THSD4: variants seen among roughly 807,000 people sequenced by gnomAD.
THSD4 encodes the protein thrombospondin type 1 domain containing 4.
Under a neutral mutation model 119.0 loss-of-function variants are expected in THSD4, and 69 were observed. The observed-to-expected ratio is 0.58, with a 90% confidence interval of 0.48 to 0.71. The LOEUF is 0.71. THSD4 is among the 30% of genes least tolerant of loss of function. The probability of loss-of-function intolerance (pLI) is 0.00; values close to 1 mark genes in which losing one functional copy is unlikely to be tolerated. For synonymous variants in THSD4, 524 were observed against 540.4 expected (o/e 0.97, Z 0.42); for missense variants, 1,393 against 1,391.1 (o/e 1.00, Z -0.02).
At chr15:71,588,285 G>A (rs1479675977) in intron 7 of THSD4, among the ~76,000 whole-genome samples, 2 of 133,688 alleles carry the variant, frequency 1.5e-5, no homozygotes, top group African/African-American at 2.8e-5. Context: ...CAGCCTGGGC[G>A]ACAGAGCGAG....
chr15:71,432,108 A>G (rs1404592549), intron 7 of THSD4, among the ~76,000 whole-genome samples: 1 of 152,094 alleles, frequency 6.6e-6, no homozygotes, highest in East Asian at 1.9e-4. Context: ...CTCGCGTACT[A>G]TTTTGGAACA....
At chr15:71,634,495 G>T (rs953428504) in intron 7 of THSD4, among the ~76,000 whole-genome samples, 1 of 152,204 alleles carries the variant, frequency 6.6e-6, no homozygotes, top group Non-Finnish European at 1.5e-5. Context: ...GCACATCTGC[G>T]TCCCAATGCC....
intron 7 of THSD4, among the ~76,000 whole-genome samples, chr15:71,549,208 T>C (rs2048888997): frequency 6.6e-6 from 1 of 152,218 alleles, no homozygotes; most frequent in Non-Finnish European, 1.5e-5. Flanking sequence ...TATGTGTGCT[T>C]AACATGAATA....
In THSD4 at chr15:71,589,513, GC is replaced by G. The variant is rs1317295070; in HGVS notation, c.1153-71014del. 6.7e-4 allele frequency among the ~76,000 whole-genome samples: 93 copies of G among 137,780 alleles called. 7 individuals are homozygous for G. The highest frequency in any genetic ancestry group is 2.4e-3 in the African/African-American group (93 of 39,424). The allele number at this position is 137,780 out of a possible 152,430, so 90.4% of individuals were successfully genotyped here. A position where few individuals can be genotyped will look rare whatever the true frequency, so the allele number is the denominator to read the frequency against. Reference sequence around the variant, plus strand: ...TGGAAACACAGTCATGCATCACCATGCCCAGCTAACTTTTTAACTTTTTTTG... The same window carrying G: ...TGGAAACACAGTCATGCATCACCATGCCAGCTAACTTTTTAACTTTTTTTG... On this transcript the variant is annotated intron_variant, in intron 7 of 17. Coordinates refer to ENST00000261862, the MANE Select transcript of THSD4 (RefSeq NM_024817.3).
chr15:71,588,071 C>A (rs2049717302), intron 7 of THSD4, among the ~76,000 whole-genome samples: 1 of 151,904 alleles, frequency 6.6e-6, no homozygotes, highest in South Asian at 2.1e-4. Flanking sequence ...CTTTGGGAGG[C>A]CGAGGTGGGC....
chr15:71,672,114 T>G (rs988526170), intron 8 of THSD4, among the ~76,000 whole-genome samples: 6 of 152,216 alleles, frequency 3.9e-5, no homozygotes, highest in Non-Finnish European at 7.3e-5. Context: ...TTCCTATCCA[T>G]GAGCATGGAA....
upstream of THSD4, among the ~76,000 whole-genome samples, chr15:71,114,773 A>C (rs2040340097): frequency 6.6e-6 from 1 of 152,274 alleles, no homozygotes; most frequent in South Asian, 2.1e-4. Context: ...TCCCCAACAA[A>C]ATATTACTCT....
chr15:71,312,453 C>T (rs1382625662), intron 6 of THSD4, among the ~76,000 whole-genome samples: 2 of 152,024 alleles, frequency 1.3e-5, no homozygotes, highest in African/African-American at 4.8e-5. Flanking sequence ...TACAGAGACA[C>T]CAGGGCTGCA....
Position 71,149,392 on chromosome 15 carries a change from C to A in THSD4, c.30-5471C>A, listed in dbSNP as rs2040698042. On this transcript the variant is annotated intron_variant, in intron 2 of 17. Coordinates refer to ENST00000261862, the MANE Select transcript of THSD4 (RefSeq NM_024817.3). Reference sequence around the variant, plus strand: ...TCACGAGTAGCTGGGATTACAGGCACACACCACCACGCCCAGCTAATTTTT... The same window carrying A: ...TCACGAGTAGCTGGGATTACAGGCAAACACCACCACGCCCAGCTAATTTTT... Among the ~76,000 whole-genome samples, 3 of 152,094 alleles carry A rather than the reference C, an allele frequency of 2.0e-5. No individual in the cohort carries two copies. In the South Asian group the frequency reaches 6.2e-4, roughly 32 times the overall value.
intron 7 of THSD4, among the ~76,000 whole-genome samples, chr15:71,463,994 T>C (rs1027696842): frequency 1.3e-5 from 2 of 152,210 alleles, no homozygotes; most frequent in Non-Finnish European, 2.9e-5. Flanking sequence ...TCCCCCAATA[T>C]GAATCTATAA....
At chr15:71,400,594 C>T (rs545769355) in intron 6 of THSD4, among the ~76,000 whole-genome samples, 1 of 152,258 alleles carries the variant, frequency 6.6e-6, no homozygotes, top group African/African-American at 2.4e-5. Context: ...TCTGACTGCT[C>T]CTGGATTAGT....
At chr15:71,579,566 C>T (rs2049519803) in intron 7 of THSD4, among the ~76,000 whole-genome samples, 4 of 152,198 alleles carry the variant, frequency 2.6e-5, no homozygotes. Flanking sequence ...AAAGTCACTT[C>T]CCTGGGACTG....
At chr15:71,343,715 ATTTTTTT>A (rs35533590) in intron 6 of THSD4, among the ~76,000 whole-genome samples, 1 of 134,806 alleles carries the variant, frequency 7.4e-6, no homozygotes, top group African/African-American at 2.8e-5. Context: ...TCATCTCAGG[ATTTTTTT>A]TTTTTTTTTT....
Position 71,377,867 on chromosome 15 carries a change from AACACACACAC to A in THSD4, c.1016-33782_1016-33773del, listed in dbSNP as rs376497737. ...CTTCTCTATTCCCGGACATATCCAC[AACACACACAC>A]ACACACACACACACACACACACACA... is the stretch of plus-strand genomic sequence containing the variant. On this transcript the variant is annotated intron_variant, in intron 6 of 17. Transcript: ENST00000261862. 3.7e-3 allele frequency among the ~76,000 whole-genome samples: 316 copies of A among 86,330 alleles called. 1 individual carries two copies. In the Middle Eastern group the frequency reaches 0.056, roughly 15 times the overall value. 56.6% of individuals were successfully genotyped at this position (86,330 alleles called of 152,430 possible).
At chr15:71,498,388 A>AT (rs1380231697) in intron 7 of THSD4, among the ~76,000 whole-genome samples, 2 of 152,136 alleles carry the variant, frequency 1.3e-5, no homozygotes, top group Admixed American at 6.5e-5. Flanking sequence ...AATATTTTGC[A>AT]TTTTTTCACC....
chr15:71,746,325 T>C (rs974776082), intron 12 of THSD4, among the ~76,000 whole-genome samples: 1 of 152,230 alleles, frequency 6.6e-6, no homozygotes, highest in African/African-American at 2.4e-5. Context: ...GTAAATAGCA[T>C]GTCAAGTGTC....
At chr15:71,616,222 T>G (rs1357836416) in intron 7 of THSD4, among the ~76,000 whole-genome samples, 2 of 152,298 alleles carry the variant, frequency 1.3e-5, no homozygotes. Flanking sequence ...GAAATTCACC[T>G]AAAAATGGTC....
chr15:71,779,300 G>T lies in THSD4; in HGVS notation c.*1926G>T, dbSNP rs2053963410. 1 of 152,214 alleles carries T rather than the reference G, an allele frequency of 6.6e-6. No individual in the cohort carries two copies. Among genetic ancestry groups the T allele is most frequent in the African/African-American group, 2.4e-5 (1 of 41,440 alleles). The allele number at this position is 152,214 out of a possible 1,614,324, so 9.4% of individuals were successfully genotyped here. A position where few individuals can be genotyped will look rare whatever the true frequency, so the allele number is the denominator to read the frequency against. On this transcript the variant is annotated 3_prime_UTR_variant, in exon 18 of 18. Coordinates refer to ENST00000261862, the MANE Select transcript of THSD4 (RefSeq NM_024817.3). ...ACCGACAAAGTGAAAAGAGACCAGA[G>T]AGGCCAAGCATATTGACTGGTGCTG...
At chr15:71,450,799 C>T (rs1032882374) in intron 7 of THSD4, among the ~76,000 whole-genome samples, 11 of 152,126 alleles carry the variant, frequency 7.2e-5, no homozygotes, top group African/African-American at 2.7e-4. Flanking sequence ...TATATAAGTA[C>T]ACACGGGAGC....
Sources: gnomAD v4.1 joint callset for allele counts (sites outside exome capture counted in the v4.1 genomes callset) on GRCh38, gnomAD v4.1.1 for gene constraint, MANE v1.5 for transcripts, NCBI Gene and HGNC (gene_info 2026-07-23, HGNC 2026-07-21) for gene names.